The following VPS45 variants were observed in gnomAD, a reference collection of about 807,000 sequenced individuals.
The protein encoded by VPS45 is vacuolar protein sorting-associated protein 45.
A neutral mutation model predicts 75.9 loss-of-function variants in VPS45; 35 were observed. That is an observed-to-expected ratio of 0.46 (90% confidence interval 0.35 to 0.61). The LOEUF (loss-of-function observed/expected upper bound fraction) is 0.61, where lower values mean the gene tolerates loss of function less well. VPS45 is among the 20% of genes least tolerant of loss of function. The pLI is 0.00. For synonymous variants in VPS45, 220 were observed against 238.2 expected (o/e 0.92, Z 0.70); for missense variants, 559 against 685.9 (o/e 0.81, Z 2.07).
rs1553816247 is a variant in VPS45, at chr1:150,144,886, G to C, written c.*90G>C. 4 of 1,586,352 alleles carry C rather than the reference G, an allele frequency of 2.5e-6. No homozygotes were observed. The highest frequency in any genetic ancestry group is 8.6e-7 in the Non-Finnish European group (1 of 1,168,056). ...CAAAGGTGTTGGAGAGCAGCTTTGG[G>C]TTCTGTGCTGGTTGTTAGAACTCAT... On this transcript the variant is annotated 3_prime_UTR_variant, in exon 15 of 15. Coordinates refer to ENST00000644510, the MANE Select transcript of VPS45 (RefSeq NM_007259.5).
At chr1:150,080,812 T>C (rs1180839802) in intron 7 of VPS45, among the ~76,000 whole-genome samples, 2 of 152,106 alleles carry the variant, frequency 1.3e-5, no homozygotes, top group Non-Finnish European at 2.9e-5. Flanking sequence ...AAATATAAAA[T>C]AAAATGGGTT....
chr1:150,068,485 C>A, intron 1 of VPS45, 145 bp from the exon 2 acceptor site: 1 of 666,232 alleles, frequency 1.5e-6, no homozygotes. Context: ...ATGTTACCTA[C>A]CTGTTTGGAT....
chr1:150,140,167 G>C (rs1659309209), intron 14 of VPS45, among the ~76,000 whole-genome samples: 1 of 152,184 alleles, frequency 6.6e-6, no homozygotes, highest in Non-Finnish European at 1.5e-5. Context: ...GCCTCCCAAA[G>C]TGCTGGGATT....
chr1:150,104,513 C>A (rs1239213338), intron 13 of VPS45, among the ~76,000 whole-genome samples: 5 of 151,986 alleles, frequency 3.3e-5, no homozygotes, highest in Non-Finnish European at 7.4e-5. Context: ...ATTTCCTTTC[C>A]TTTGAGTAGA....
intron 14 of VPS45, among the ~76,000 whole-genome samples, chr1:150,125,482 G>A (rs1329164217): frequency 1.3e-5 from 2 of 151,256 alleles, no homozygotes; most frequent in African/African-American, 2.4e-5. Flanking sequence ...AAAAAATGAC[G>A]AGTTCATGTC....
chr1:150,142,691 G>A, intron 14 of VPS45: 1 of 311,140 alleles, frequency 3.2e-6, no homozygotes, highest in South Asian at 2.5e-5. Flanking sequence ...TTGAGACAGG[G>A]TTTCACTCCT....
intron 6 of VPS45, 81 bp from the exon 7 acceptor site, chr1:150,077,588 A>G: frequency 1.0e-6 from 1 of 964,464 alleles, no homozygotes; most frequent in Non-Finnish European, 1.6e-6. Flanking sequence ...TGTTAAATGT[A>G]GTGTTTATTA....
rs781932102 is a variant in VPS45 at position 150,076,973 on chromosome 1, G to A, written c.427G>A (p.Gly143Ser). 6.2e-7 allele frequency: 1 copy of A among 1,614,018 alleles called. No homozygotes were observed. Among genetic ancestry groups the A allele is most frequent in the Admixed American group, 1.7e-5 (1 of 60,024 alleles). Reference protein sequence around the residue: ...NPHLFSLNILGCCQGRNWDPA... With the variant: ...NPHLFSLNILSCCQGRNWDPA... ...ACATTTGTTTTCCCTCAATATTTTG[G>A]GTTGCTGCCAGGTATGGAAGGAAAG... The change falls in exon 5 of 15, where the codon GGT becomes AGT. Residue 143 changes from glycine to serine, a missense_variant. Physicochemically the swap from Gly to Ser is moderately conservative, Grantham distance 56. Coordinates refer to ENST00000644510, the MANE Select transcript of VPS45 (RefSeq NM_007259.5).
At chr1:150,082,927 G>A (rs1553799819) in intron 10 of VPS45, 44 bp downstream of exon 10, 2 of 1,538,124 alleles carry the variant, frequency 1.3e-6, no homozygotes, top group Non-Finnish European at 1.8e-6. Context: ...AAGGCACTGT[G>A]CCAGGCAGAG....
At chr1:150,117,962 A>C (rs1658028111) in intron 14 of VPS45, among the ~76,000 whole-genome samples, 1 of 152,144 alleles carries the variant, frequency 6.6e-6, no homozygotes, top group South Asian at 2.1e-4. Flanking sequence ...TACATGTTTT[A>C]GATGTGTTTG....
intron 10 of VPS45, among the ~76,000 whole-genome samples, chr1:150,083,472 AGCAC>A (rs1655833683): frequency 6.6e-6 from 1 of 151,966 alleles, no homozygotes; most frequent in Non-Finnish European, 1.5e-5. Flanking sequence ...TGTAATACCA[AGCAC>A]TATGTACTAT....
At chr1:150,070,814 T>C (rs1250654936) in intron 2 of VPS45, among the ~76,000 whole-genome samples, 1 of 151,664 alleles carries the variant, frequency 6.6e-6, no homozygotes, top group Non-Finnish European at 1.5e-5. Flanking sequence ...TCTCAAAAAA[T>C]AATAATAAAA....
chr1:150,079,270 G>A (rs1337275048), intron 7 of VPS45, among the ~76,000 whole-genome samples: 1 of 152,030 alleles, frequency 6.6e-6, no homozygotes, highest in Non-Finnish European at 1.5e-5. Context: ...TGCTGTACTT[G>A]CCATGTTGTA....
intron 9 of VPS45, 151 bp from the exon 10 acceptor site, chr1:150,082,565 T>C: frequency 1.1e-6 from 1 of 918,508 alleles, no homozygotes; most frequent in Non-Finnish European, 1.6e-6. Flanking sequence ...CTTCTCTTCT[T>C]AAGCATAACA....
intron 14 of VPS45, among the ~76,000 whole-genome samples, chr1:150,127,959 A>G (rs868979341): frequency 1.1e-4 from 16 of 152,322 alleles, no homozygotes; most frequent in South Asian, 8.3e-4. Flanking sequence ...TTATCATTCA[A>G]TGATGATTAA....
At chr1:150,077,492 C>G (rs2101521004) in intron 6 of VPS45, 177 bp from the exon 7 acceptor site, 3 of 673,816 alleles carry the variant, frequency 4.5e-6, no homozygotes, top group Non-Finnish European at 7.4e-6. Context: ...GGTTTCATAT[C>G]CTAACCTCTT....
At chr1:150,144,597 C>G in intron 14 of VPS45, 112 bp from the exon 15 acceptor site, 1 of 905,452 alleles carries the variant, frequency 1.1e-6, no homozygotes. Flanking sequence ...ACCAGTACCT[C>G]CTGCCTACTA....
intron 14 of VPS45, among the ~76,000 whole-genome samples, chr1:150,136,369 C>G (rs1309474653): frequency 6.6e-6 from 1 of 151,660 alleles, no homozygotes; most frequent in African/African-American, 2.4e-5. Flanking sequence ...GCCTGGCCAA[C>G]ATGGTGAAAC....
At chr1:150,135,255 TTTTTA>T (rs1293160686) in intron 14 of VPS45, among the ~76,000 whole-genome samples, 2 of 152,082 alleles carry the variant, frequency 1.3e-5, no homozygotes, top group African/African-American at 4.8e-5. Flanking sequence ...GCATTTTTAT[TTTTTA>T]TTTTATTTAT....
Sources: gnomAD v4.1 joint callset for allele counts (sites outside exome capture counted in the v4.1 genomes callset) on GRCh38, gnomAD v4.1.1 for gene constraint, MANE v1.5 for transcripts, NCBI Gene and HGNC (gene_info 2026-07-23, HGNC 2026-07-21) for gene names.